PLSCR4: variants seen among roughly 807,000 people sequenced by gnomAD.
PLSCR4 encodes Ca(2+)-dependent phospholipid scramblase 4.
Under a neutral mutation model 36.3 loss-of-function variants are expected in PLSCR4, and 25 were observed. The observed-to-expected ratio is 0.69, with a 90% CI of 0.50 to 0.96. The LOEUF is 0.96. Among genes scored for constraint, PLSCR4 ranks in the 40% least tolerant of loss-of-function variants. The pLI is 0.00. For missense variants in PLSCR4, 408 were observed against 414.7 expected (o/e 0.98, Z 0.14); for synonymous variants, 122 against 132.9 (o/e 0.92, Z 0.56).
At chr3:146,236,827 T>C (rs935445701) in intron 1 of PLSCR4, among the ~76,000 whole-genome samples, 6 of 151,880 alleles carry the variant, frequency 4.0e-5, no homozygotes, top group Admixed American at 3.9e-4. Flanking sequence ...TCAAATGAAA[T>C]GATAAGGTAG....
intron 1 of PLSCR4, among the ~76,000 whole-genome samples, chr3:146,246,715 T>C (rs1205039991): frequency 1.3e-5 from 2 of 152,116 alleles, no homozygotes; most frequent in African/African-American, 2.4e-5. Context: ...ACAGCTAGTC[T>C]TTTAGTATTT....
chr3:146,233,987 T>C lies in PLSCR4; in HGVS notation c.-21-11895A>G, dbSNP rs140926953. Among the ~76,000 whole-genome samples, 701 of 137,092 alleles carry C rather than the reference T, an allele frequency of 5.1e-3. 1 individual carries two copies. Among genetic ancestry groups the C allele is most frequent in the Middle Eastern group, 0.011 (3 of 266 alleles). 89.9% of individuals were successfully genotyped at this position (137,092 alleles called of 152,430 possible). The stretch of plus-strand genomic sequence containing the variant: ...TTTTGAAATATAGTTCGAAGAGAAA[T>C]TACCCATGAACTAAAAAACCCAAAA... On this transcript the variant is annotated intron_variant, in intron 1 of 8. Coordinates refer to ENST00000354952, the MANE Select transcript of PLSCR4 (RefSeq NM_020353.3).
intron 3 of PLSCR4, among the ~76,000 whole-genome samples, chr3:146,220,124 TACTA>T (rs1446754276): frequency 3.3e-5 from 5 of 152,292 alleles, no homozygotes; most frequent in Non-Finnish European, 7.4e-5. Context: ...TTAAAGACAA[TACTA>T]ACTATTTCCT....
At position 146,232,867 on chromosome 3, in the gene PLSCR4, A is replaced by G. The variant is rs188518675; in HGVS notation, c.-21-10775T>C. Among the ~76,000 whole-genome samples, 547 of 152,238 alleles carry G rather than the reference A, an allele frequency of 3.6e-3. 4 individuals are homozygous for G. The highest frequency in any genetic ancestry group is 6.0e-3 in the Non-Finnish European group (408 of 67,968). ...AGTAGGTACCCAATAAACATTGCCT[A>G]AAGAGGTTTTTTACTGTGTGCAAAC... On this transcript the variant is annotated intron_variant, in intron 1 of 8. Coordinates refer to ENST00000354952, the MANE Select transcript of PLSCR4 (RefSeq NM_020353.3).
intron 3 of PLSCR4, among the ~76,000 whole-genome samples, chr3:146,219,646 G>A (rs1266161082): frequency 6.6e-6 from 1 of 152,140 alleles, no homozygotes; most frequent in African/African-American, 2.4e-5. Context: ...GCCGGGCACG[G>A]TGGCTCACAC....
intron 3 of PLSCR4, among the ~76,000 whole-genome samples, chr3:146,216,060 G>A (rs780394578): frequency 3.5e-4 from 53 of 152,116 alleles, no homozygotes; most frequent in Admixed American, 5.2e-4. Context: ...GTGAAACCCC[G>A]TCTCTACCGA....
intron 1 of PLSCR4, among the ~76,000 whole-genome samples, chr3:146,241,726 C>A (rs556502261): frequency 2.6e-4 from 40 of 152,232 alleles, no homozygotes; most frequent in African/African-American, 8.4e-4. Context: ...TTATTTTCAA[C>A]GTACGGAACA....
chr3:146,197,136 A>AG (rs2033791013), intron 6 of PLSCR4, among the ~76,000 whole-genome samples: 1 of 152,210 alleles, frequency 6.6e-6, no homozygotes, highest in African/African-American at 2.4e-5. Context: ...TTTACAGATG[A>AG]GGAAACTGAG....
Position 146,206,784 on chromosome 3 carries a change from T to C in PLSCR4, c.119-23A>G, listed in dbSNP as rs1262882591. 2.8e-6 allele frequency: 4 copies of C among 1,427,844 alleles called. No homozygotes were observed. The South Asian group carries it at 3.7e-5, about 13-fold the overall frequency. 88.4% of individuals were successfully genotyped at this position (1,427,844 alleles called of 1,614,324 possible). On this transcript the variant is annotated intron_variant, in intron 3 of 8. Coordinates refer to ENST00000354952, the MANE Select transcript of PLSCR4 (RefSeq NM_020353.3). Reference sequence around the variant, plus strand: ...GTCCTGTGTTCAAAAGAAATCAAAGTGTTATATATTATTAACACTAAAGTT... The same window carrying C: ...GTCCTGTGTTCAAAAGAAATCAAAGCGTTATATATTATTAACACTAAAGTT...
rs116091093 is a variant in PLSCR4 at position 146,209,634 on chromosome 3, T to A, written c.119-2873A>T. On this transcript the variant is annotated intron_variant, in intron 3 of 8. Transcript: ENST00000354952. ...GTCTGGTTACCAGGAATTTTTTGAATAACTTTGATCATTACTAATTTATTT... is the reference window on the plus strand; with the variant it reads ...GTCTGGTTACCAGGAATTTTTTGAAAAACTTTGATCATTACTAATTTATTT... 7.7e-3 allele frequency among the ~76,000 whole-genome samples: 1,177 copies of A among 152,224 alleles called. 13 individuals carry two copies. The highest frequency in any genetic ancestry group is 0.025 in the African/African-American group (1,026 of 41,558).
At chr3:146,199,693 T>C in intron 6 of PLSCR4, 120 bp downstream of exon 6, 1 of 818,380 alleles carries the variant, frequency 1.2e-6, no homozygotes, top group Non-Finnish European at 2.0e-6. Flanking sequence ...CTCCCCACTA[T>C]CTTCTTCCAT....
chr3:146,194,264 C>T lies in PLSCR4; in HGVS notation c.*147G>A. ...CTTTTAGATTGTGTTCTTGCAAGCCCACTCTCAGCTGTCAAAGTTAACACC... is the reference window on the plus strand; with the variant it reads ...CTTTTAGATTGTGTTCTTGCAAGCCTACTCTCAGCTGTCAAAGTTAACACC... On this transcript the variant is annotated 3_prime_UTR_variant, in exon 9 of 9. Transcript: ENST00000354952. 1.6e-6 allele frequency: 1 copy of T among 631,022 alleles called. No individual in the cohort carries two copies. Among genetic ancestry groups the T allele is most frequent in the Non-Finnish European group, 2.9e-6 (1 of 350,198 alleles). 39.1% of individuals were successfully genotyped at this position (631,022 alleles called of 1,614,324 possible).
Position 146,212,424 on chromosome 3 carries a change from GTTTT to G in PLSCR4, c.119-5667_119-5664del, listed in dbSNP as rs1211837861. 2.4e-5 allele frequency among the ~76,000 whole-genome samples: 3 copies of G among 123,592 alleles called. No individual in the cohort carries two copies. The Admixed American group carries it at 2.8e-4, about 11-fold the overall frequency. The allele number at this position is 123,592 out of a possible 152,430, so 81.1% of individuals were successfully genotyped here. On this transcript the variant is annotated intron_variant, in intron 3 of 8. Coordinates refer to ENST00000354952, the MANE Select transcript of PLSCR4 (RefSeq NM_020353.3). Reference sequence around the variant, plus strand: ...TTGTGCTGTTTGTGGGTATATATGGGTTTTTTTGTTTTGTTTTTTTTTGTTTTTT... The same window carrying G: ...TTGTGCTGTTTGTGGGTATATATGGGTTTGTTTTGTTTTTTTTTGTTTTTT...
chr3:146,196,754 C>CA lies in PLSCR4; in HGVS notation c.663dup (p.Val222CysfsTer17). 1 of 1,613,930 alleles carries CA rather than the reference C, an allele frequency of 6.2e-7. No individual in the cohort carries two copies. Among genetic ancestry groups the CA allele is most frequent in the South Asian group, 1.1e-5 (1 of 91,080 alleles). On this transcript the variant is annotated frameshift_variant, in exon 7 of 9. Transcript: ENST00000354952. LOFTEE classifies it high-confidence loss of function. ...CTGCACAGGTTCCAATGTTCCGCAA[C>CA]AAAGCCAATGGTGACACCAGGAGGA...
chr3:146,206,827 G>GTGATCTATTTCAT, intron 3 of PLSCR4, 66 bp from the exon 4 acceptor site: 3 of 985,054 alleles, frequency 3.0e-6, no homozygotes, highest in Non-Finnish European at 4.6e-6. Context: ...CTTTTTACAT[G>GTGATCTATTTCAT]CGATGAAATA....
chr3:146,234,245 T>C (rs78844768), intron 1 of PLSCR4, among the ~76,000 whole-genome samples: 2,556 of 152,260 alleles, frequency 0.017, 76 homozygotes, highest in African/African-American at 0.058. Flanking sequence ...GTTCAAGGCA[T>C]CCTGAAACAT....
At chr3:146,249,473 T>C (rs916643148) in intron 1 of PLSCR4, among the ~76,000 whole-genome samples, 1 of 152,120 alleles carries the variant, frequency 6.6e-6, no homozygotes, top group Non-Finnish European at 1.5e-5. Context: ...TATTCTTCCA[T>C]GTCTCTTCAG....
intron 1 of PLSCR4, among the ~76,000 whole-genome samples, chr3:146,248,240 G>A (rs539842472): frequency 6.6e-6 from 1 of 152,138 alleles, no homozygotes; most frequent in South Asian, 2.1e-4. Context: ...AATATGAAAG[G>A]TTTTGTGAAA....
At chr3:146,209,271 T>G (rs749565978) in intron 3 of PLSCR4, among the ~76,000 whole-genome samples, 19 of 151,786 alleles carry the variant, frequency 1.3e-4, no homozygotes, top group African/African-American at 4.6e-4. Flanking sequence ...GGGGTAATGA[T>G]GGGAAGGGGG....
Sources: gnomAD v4.1 joint callset for allele counts (sites outside exome capture counted in the v4.1 genomes callset) on GRCh38, gnomAD v4.1.1 for gene constraint, MANE v1.5 for transcripts, NCBI Gene and HGNC (gene_info 2026-07-23, HGNC 2026-07-21) for gene names.